TRMT9B: variants seen among roughly 807,000 people sequenced by gnomAD.
The protein encoded by TRMT9B is probable tRNA methyltransferase 9B.
In TRMT9B, 16 loss-of-function variants were observed where a neutral mutation model predicts 11.5. The ratio of observed to expected loss-of-function variants is 1.39; its 90% CI spans 0.94 to 2.11. TRMT9B has a LOEUF of 2.11. Among genes scored for constraint, TRMT9B ranks in the 30% most tolerant of loss-of-function variants. The pLI, the probability that TRMT9B is intolerant of heterozygous loss-of-function variation, is 0.00. For synonymous variants in TRMT9B, 274 were observed against 192.4 expected (o/e 1.42, Z -3.51); for missense variants, 941 against 553.8 (o/e 1.70, Z -7.02).
rs579024 is a variant in TRMT9B, at chr8:13,023,012, G to A, written c.*968G>A. On this transcript the variant is annotated 3_prime_UTR_variant, in exon 5 of 5. Coordinates refer to ENST00000524591, the MANE Select transcript of TRMT9B (RefSeq NM_020844.3). ...TAATAATAATAATAATAATAAAGGC[G>A]TTGTTAGCTTGTAAGGAGTGGAGTA... is the stretch of plus-strand genomic sequence containing the variant. 0.74 allele frequency: 123,739 copies of A among 166,862 alleles called. 46,478 individuals carry two copies. The highest frequency in any genetic ancestry group is 0.8 in the Non-Finnish European group (54,354 of 68,094). The allele number at this position is 166,862 out of a possible 1,614,324, so 10.3% of individuals were successfully genotyped here.
At chr8:12,987,618 G>A (rs1806551286) in intron 1 of TRMT9B, among the ~76,000 whole-genome samples, 1 of 152,068 alleles carries the variant, frequency 6.6e-6, no homozygotes, top group South Asian at 2.1e-4. Flanking sequence ...TTTGCACCTG[G>A]GAGGTCAAGG....
chr8:13,025,756 G>T lies in TRMT9B; in HGVS notation c.*3712G>T, dbSNP rs975427294. The stretch of plus-strand genomic sequence containing the variant: ...AAACTAGCTACACAAACGTCTTGGA[G>T]TTTGGTTTCGTTCTCTTTTCTCATC... On this transcript the variant is annotated 3_prime_UTR_variant, in exon 5 of 5. Coordinates refer to ENST00000524591, the MANE Select transcript of TRMT9B (RefSeq NM_020844.3). 3 of 166,928 alleles carry T rather than the reference G, an allele frequency of 1.8e-5. No individual in the cohort carries two copies. The highest frequency in any genetic ancestry group is 7.2e-5 in the African/African-American group (3 of 41,456). The allele number at this position is 166,928 out of a possible 1,614,324, so 10.3% of individuals were successfully genotyped here.
rs1186310164 is a variant in TRMT9B at position 13,028,574 on chromosome 8, C to CTTTTCTTTTCTTTTTTTTTTTTTT, written c.*6534_*6535insCTTTTCTTTTTTTTTTTTTTTTTT. 3.9e-5 allele frequency: 3 copies of CTTTTCTTTTCTTTTTTTTTTTTTT among 76,084 alleles called. No homozygotes were observed. The highest frequency in any genetic ancestry group is 1.3e-4 in the African/African-American group (3 of 22,960). The allele number at this position is 76,084 out of a possible 1,614,324, so 4.7% of individuals were successfully genotyped here. ...GATAAGCACTTTTCTCTTTTCTTTT[C>CTTTTCTTTTCTTTTTTTTTTTTTT]TTTTTTTTTTTTTTTTTTTGAGACA... On this transcript the variant is annotated 3_prime_UTR_variant, in exon 5 of 5. Coordinates refer to ENST00000524591, the MANE Select transcript of TRMT9B (RefSeq NM_020844.3).
chr8:13,012,923 T>G, intron 4 of TRMT9B, 66 bp downstream of exon 4: 1 of 1,560,168 alleles, frequency 6.4e-7, no homozygotes, highest in Non-Finnish European at 8.7e-7. Context: ...TAGTCCGTTC[T>G]CATGACTCAA....
At chr8:12,960,404 C>A (rs561116862) in intron 1 of TRMT9B, 2 of 152,196 alleles carry the variant, frequency 1.3e-5, no homozygotes, top group African/African-American at 4.8e-5. Flanking sequence ...TATCTTACGG[C>A]AGCCCAGAAT....
intron 2 of TRMT9B, among the ~76,000 whole-genome samples, chr8:13,003,495 A>G (rs1473789509): frequency 6.6e-6 from 1 of 152,168 alleles, no homozygotes; most frequent in Non-Finnish European, 1.5e-5. Context: ...CAGGTAAAGC[A>G]TAGCATATGT....
intron 1 of TRMT9B, among the ~76,000 whole-genome samples, chr8:12,950,595 A>T (rs962501266): frequency 2.7e-5 from 4 of 147,772 alleles, no homozygotes; most frequent in African/African-American, 1.0e-4. Flanking sequence ...GAAAAAGAAA[A>T]TGTCAGTCTG....
intron 1 of TRMT9B, among the ~76,000 whole-genome samples, chr8:12,989,494 C>G (rs1056941796): frequency 6.6e-6 from 1 of 152,210 alleles, no homozygotes; most frequent in Non-Finnish European, 1.5e-5. Context: ...AGGTAGCACA[C>G]ATATGCCTCC....
chr8:12,989,648 T>C (rs983857187), intron 1 of TRMT9B, among the ~76,000 whole-genome samples: 4 of 152,186 alleles, frequency 2.6e-5, no homozygotes, highest in Admixed American at 6.5e-5. Context: ...GACAACCACA[T>C]TGTCTGATGA....
chr8:12,970,968 CTG>C (rs1382828965), intron 1 of TRMT9B, among the ~76,000 whole-genome samples: 5 of 152,106 alleles, frequency 3.3e-5, no homozygotes. Flanking sequence ...TAGAAAGTAT[CTG>C]TATTTCTTCA....
At chr8:12,960,775 A>G (rs1801998778) in intron 1 of TRMT9B, among the ~76,000 whole-genome samples, 1 of 152,188 alleles carries the variant, frequency 6.6e-6, no homozygotes, top group Admixed American at 6.5e-5. Flanking sequence ...TAGAGACTGT[A>G]AAAAGATCAG....
chr8:12,985,990 C>A (rs1356075595), intron 1 of TRMT9B, among the ~76,000 whole-genome samples: 1 of 151,986 alleles, frequency 6.6e-6, no homozygotes, highest in African/African-American at 2.4e-5. Context: ...GCCTCCTGAG[C>A]AGCTGGGATT....
chr8:12,977,997 C>G (rs1039774225), intron 1 of TRMT9B, among the ~76,000 whole-genome samples: 2 of 152,072 alleles, frequency 1.3e-5, no homozygotes, highest in Admixed American at 6.6e-5. Context: ...CCACTGCACT[C>G]GAGCCTGCAT....
intron 1 of TRMT9B, among the ~76,000 whole-genome samples, chr8:12,975,991 A>G (rs1426587282): frequency 6.6e-6 from 1 of 152,230 alleles, no homozygotes; most frequent in African/African-American, 2.4e-5. Context: ...TGCTGATTAC[A>G]AGCAACAGAA....
rs1269106270 is a variant in TRMT9B at position 13,021,023 on chromosome 8, C to G, written c.344C>G (p.Ser115Cys). The G allele has an allele frequency of 6.5e-7, 1 of 1,548,926 alleles. No individual in the cohort carries two copies. The highest frequency in any genetic ancestry group is 2.1e-5 in the Admixed American group (1 of 48,540). Residue 115 changes from serine to cysteine, a missense_variant, in exon 5 of 5, where the codon TCT becomes TGT. Ser to Cys is a moderately radical substitution (Grantham distance 112). Transcript: ENST00000524591. ...IISIGVIHHF[S>C]TKQRRIRAIK... ...TCTTTTTCAGTCATACATCATTTTT[C>G]TACAAAACAAAGAAGAATCAGAGCA...
chr8:12,987,875 G>A (rs1046226404), intron 1 of TRMT9B, among the ~76,000 whole-genome samples: 1 of 152,070 alleles, frequency 6.6e-6, no homozygotes, highest in African/African-American at 2.4e-5. Flanking sequence ...TGGGAGATGT[G>A]GCTCTCTGTG....
chr8:12,998,325 C>A (rs779064262), intron 2 of TRMT9B, among the ~76,000 whole-genome samples: 1 of 152,058 alleles, frequency 6.6e-6, no homozygotes, highest in Non-Finnish European at 1.5e-5. Context: ...CTGTATTTTC[C>A]TCTAAAAGCT....
Position 12,972,460 on chromosome 8 carries a change from C to A in TRMT9B, c.-199-18374C>A, listed in dbSNP as rs533584104. ...AAAGTGAAAGAAACTGGAAACTAAC[C>A]GACTCCTATTGGAAACAAATGCCGC... On this transcript the variant is annotated intron_variant, in intron 1 of 4. Transcript: ENST00000524591. Among the ~76,000 whole-genome samples, 5 of 152,246 alleles carry A rather than the reference C, an allele frequency of 3.3e-5. No homozygotes were observed. The East Asian group carries it at 9.7e-4, about 29-fold the overall frequency.
chr8:12,966,952 A>C (rs547284239), intron 1 of TRMT9B, among the ~76,000 whole-genome samples: 58 of 152,306 alleles, frequency 3.8e-4, no homozygotes, highest in African/African-American at 1.4e-3. Context: ...ATGAGATTAT[A>C]ATCCAAAAGC....
Sources: gnomAD v4.1 joint callset for allele counts (sites outside exome capture counted in the v4.1 genomes callset) on GRCh38, gnomAD v4.1.1 for gene constraint, MANE v1.5 for transcripts, NCBI Gene and HGNC (gene_info 2026-07-23, HGNC 2026-07-21) for gene names.